IKZF4: variants seen among roughly 807,000 people sequenced by gnomAD.
The protein encoded by IKZF4 is IKAROS family zinc finger 4.
A neutral mutation model predicts 47.7 loss-of-function variants in IKZF4; 11 were observed. That is an observed-to-expected ratio of 0.23 (90% CI 0.15 to 0.38). IKZF4 has a LOEUF of 0.38. Ranked by LOEUF, IKZF4 falls within the 10% of genes least tolerant of loss-of-function variation. The pLI is 1.00. For missense variants in IKZF4, 557 were observed against 784.9 expected (o/e 0.71, Z 3.47); for synonymous variants, 298 against 299.4 (o/e 1.00, Z 0.05).
At position 56,037,042 on chromosome 12, in the gene IKZF4, C is replaced by A. The variant is rs898471103; in HGVS notation, c.*1711C>A. On this transcript the variant is annotated 3_prime_UTR_variant, in exon 8 of 8. Transcript: ENST00000547167. ...GTCCTTTCCTTATTGGCTCTTTTAC[C>A]TCCTACTTTTCTCACTCCCTATCAG... 6.6e-6 allele frequency: 1 copy of A among 151,984 alleles called. No homozygotes were observed. Among genetic ancestry groups the A allele is most frequent in the South Asian group, 2.1e-4 (1 of 4,808 alleles). 9.4% of individuals were successfully genotyped at this position (151,984 alleles called of 1,614,324 possible).
rs1223058758 is a variant in IKZF4, at chr12:56,021,463, G to T, written c.-31G>T. The T allele has an allele frequency of 1.3e-6, 2 of 1,573,320 alleles. No homozygotes were observed. The highest frequency in any genetic ancestry group is 1.7e-6 in the Non-Finnish European group (2 of 1,160,836). On this transcript the variant is annotated 5_prime_UTR_variant, in exon 1 of 8. Coordinates refer to ENST00000547167, the MANE Select transcript of IKZF4 (RefSeq NM_022465.4). Reference sequence around the variant, plus strand: ...CGCTTCCTGGAAGGTGAGTGGCTGGGCTCACCCCTGCCTGCCACTGAGACG... The same window carrying T: ...CGCTTCCTGGAAGGTGAGTGGCTGGTCTCACCCCTGCCTGCCACTGAGACG...
intron 1 of IKZF4, chr12:56,007,859 A>C (rs1263568017): frequency 2.0e-5 from 3 of 147,196 alleles, no homozygotes; most frequent in Admixed American, 6.7e-5. Context: ...GGCCAGGCTG[A>C]GAGAGGGTCG....
upstream of IKZF4, among the ~76,000 whole-genome samples, chr12:56,020,688 G>T (rs755922780): frequency 3.6e-4 from 55 of 152,162 alleles, no homozygotes; most frequent in Non-Finnish European, 7.5e-4. Context: ...GCACAGGAAG[G>T]GGGGGAAATG....
intron 1 of IKZF4, 22 bp from the exon 2 acceptor site, chr12:56,023,649 G>T: frequency 6.2e-7 from 1 of 1,612,716 alleles, no homozygotes; most frequent in Non-Finnish European, 8.5e-7. Context: ...CTGAGTGGTT[G>T]TTTTCTTCCC....
chr12:56,028,153 G>T (rs1030441055), intron 5 of IKZF4, among the ~76,000 whole-genome samples: 5 of 151,888 alleles, frequency 3.3e-5, no homozygotes, highest in African/African-American at 1.2e-4. Flanking sequence ...ACCTTGATGG[G>T]GTATTTTACA....
rs749276593 is a variant in IKZF4 at position 56,034,829 on chromosome 12, G to A, written c.1256G>A (p.Arg419Gln). 27 of 1,613,758 alleles carry A rather than the reference G, an allele frequency of 1.7e-5. No individual in the cohort carries two copies. Among genetic ancestry groups the A allele is most frequent in the South Asian group, 4.4e-5 (4 of 91,078 alleles). Residue 419 changes from arginine (R) to glutamine (Q), a missense_variant, in exon 8 of 8, where the codon CGA becomes CAA. Coordinates refer to ENST00000547167, the MANE Select transcript of IKZF4 (RefSeq NM_022465.4). The stretch of plus-strand genomic sequence containing the variant: ...GGTCGACTGGAGCTTCCAGGATCCC[G>A]AGAAGCAGGTGAGGGACCTGAGGAC... The part of the protein sequence containing the change: ...LPGRLELPGS[R>Q]EAGEGPEDLA...
At chr12:56,009,752 T>C (rs1891120629) in intron 1 of IKZF4, among the ~76,000 whole-genome samples, 1 of 152,198 alleles carries the variant, frequency 6.6e-6, no homozygotes, top group Non-Finnish European at 1.5e-5. Flanking sequence ...TGTTGCCCAC[T>C]GAGTGCAGTT....
chr12:56,022,435 T>A (rs1238993295), intron 1 of IKZF4, among the ~76,000 whole-genome samples: 1 of 152,188 alleles, frequency 6.6e-6, no homozygotes, highest in African/African-American at 2.4e-5. Flanking sequence ...CCTTAATTCT[T>A]GGCTTTGACA....
chr12:56,012,421 T>C (rs941878527), intron 2 of IKZF4, among the ~76,000 whole-genome samples: 59 of 151,928 alleles, frequency 3.9e-4, no homozygotes, highest in Non-Finnish European at 4.6e-4. Context: ...ATTACAGGCA[T>C]GAACCACCAC....
At chr12:56,029,966 T>C (rs1314897355) in intron 5 of IKZF4, among the ~76,000 whole-genome samples, 1 of 152,230 alleles carries the variant, frequency 6.6e-6, no homozygotes, top group Non-Finnish European at 1.5e-5. Flanking sequence ...AGATTTTGGA[T>C]GTTGATCTGT....
Position 56,034,990 on chromosome 12 carries a change from C to T in IKZF4, c.1417C>T (p.Leu473Phe). 6.4e-7 allele frequency: 1 copy of T among 1,559,026 alleles called. No individual in the cohort carries two copies. Among genetic ancestry groups the T allele is most frequent in the East Asian group, 2.3e-5 (1 of 44,324 alleles). The change falls in exon 8 of 8, where the codon CTC (leucine) becomes TTC (phenylalanine). Residue 473 changes from leucine (L) to phenylalanine (F), a missense_variant. By Grantham distance (22) the Leu-to-Phe change is conservative. This residue lies in a region of IKZF4 where 280 missense variants were observed against 314.0 expected (regional missense o/e 0.89). Transcript: ENST00000547167. Reference sequence around the variant, plus strand: ...AGATCGGGTTGCGGGGGTGGTATCCCTCCCTCAGGGTCCCCCACCCCAGCC... The same window carrying T: ...AGATCGGGTTGCGGGGGTGGTATCCTTCCCTCAGGGTCCCCCACCCCAGCC... ...HEDRVAGVVSLPQGPPPQPPP... is the reference protein window; with the variant it reads ...HEDRVAGVVSFPQGPPPQPPP...
chr12:56,030,555 C>A (rs2136694015), intron 5 of IKZF4, among the ~76,000 whole-genome samples: 1 of 152,052 alleles, frequency 6.6e-6, no homozygotes, highest in South Asian at 2.1e-4. Context: ...CATGGAGAAA[C>A]CCTGTTTCTA....
At chr12:56,032,196 C>A in intron 5 of IKZF4, 1 of 198,994 alleles carries the variant, frequency 5.0e-6, no homozygotes, top group Non-Finnish European at 1.0e-5. Flanking sequence ...ACAGTCTGGG[C>A]CCCAGACTCT....
chr12:56,024,907 T>G (rs2136653082), intron 2 of IKZF4, 147 bp from the exon 3 acceptor site: 3 of 1,494,938 alleles, frequency 2.0e-6, no homozygotes, highest in Middle Eastern at 2.4e-4. Context: ...GGGCACAAGG[T>G]ATGGTGCCCA....
chr12:56,013,893 G>A (rs1396504587), intron 2 of IKZF4, among the ~76,000 whole-genome samples: 7 of 152,260 alleles, frequency 4.6e-5, no homozygotes, highest in African/African-American at 1.7e-4. Flanking sequence ...GCTCACGCCT[G>A]TAATCCCAAC....
intron 1 of IKZF4, among the ~76,000 whole-genome samples, chr12:56,022,391 TG>T (rs955568813): frequency 2.0e-4 from 31 of 152,312 alleles, no homozygotes; most frequent in African/African-American, 7.2e-4. Flanking sequence ...ATGATGACTT[TG>T]AGCAAGAAAA....
chr12:56,034,997 A>C lies in IKZF4; in HGVS notation c.1424A>C (p.Gln475Pro). The change falls in exon 8 of 8, where the codon CAG becomes CCG. Residue 475 changes from glutamine (Q) to proline (P), a missense_variant. Coordinates refer to ENST00000547167, the MANE Select transcript of IKZF4 (RefSeq NM_022465.4). ...GTTGCGGGGGTGGTATCCCTCCCTC[A>C]GGGTCCCCCACCCCAGCCACCTCCC... is the stretch of plus-strand genomic sequence containing the variant. ...DRVAGVVSLP[Q>P]GPPPQPPPTI... The C allele has an allele frequency of 3.9e-6, 6 of 1,556,984 alleles. No homozygotes were observed. Among genetic ancestry groups the C allele is most frequent in the Non-Finnish European group, 3.5e-6 (4 of 1,149,268 alleles).
At chr12:56,024,927 A>C in intron 2 of IKZF4, 127 bp from the exon 3 acceptor site, 1 of 1,528,100 alleles carries the variant, frequency 6.5e-7, no homozygotes, top group Non-Finnish European at 8.8e-7. Context: ...AGCATACAAC[A>C]CTGCTTTGTA....
In IKZF4 at chr12:56,032,725, G is replaced by C; in HGVS notation, c.865+15G>C. 4 of 1,613,932 alleles carry C rather than the reference G, an allele frequency of 2.5e-6. No homozygotes were observed. The highest frequency in any genetic ancestry group is 3.4e-6 in the Non-Finnish European group (4 of 1,179,820). ...TGGCCAACCAGGTAGGGCTATTGAT[G>C]TACTACTGGGGAGTTAAAAGGGGAT... On this transcript the variant is annotated intron_variant, in intron 6 of 7. Transcript: ENST00000547167.
Sources: gnomAD v4.1 joint callset for allele counts (sites outside exome capture counted in the v4.1 genomes callset) on GRCh38, gnomAD v4.1.1 for gene constraint, gnomAD v4.1.1 regional missense constraint, MANE v1.5 for transcripts, NCBI Gene and HGNC (gene_info 2026-07-23, HGNC 2026-07-21) for gene names.